ICAM1: variants seen among roughly 807,000 people sequenced by gnomAD.
ICAM1 encodes intercellular adhesion molecule 1, also known as ICAM-1.
Under a neutral mutation model 42.3 loss-of-function variants are expected in ICAM1, and 28 were observed. That is an observed-to-expected ratio of 0.66 (90% CI 0.49 to 0.91). The LOEUF (loss-of-function observed/expected upper bound fraction) is 0.91. Ranked by LOEUF, ICAM1 falls within the 40% of genes least tolerant of loss-of-function variation. The pLI is 0.00. For missense variants in ICAM1, 637 were observed against 688.6 expected (o/e 0.93, Z 0.84); for synonymous variants, 304 against 305.9 (o/e 0.99, Z 0.07).
At chr19:10,277,195 T>C (rs2040023917) in intron 2 of ICAM1, among the ~76,000 whole-genome samples, 3 of 152,182 alleles carry the variant, frequency 2.0e-5, no homozygotes, top group African/African-American at 4.8e-5. Context: ...TTTTCCTTTT[T>C]TTGAGACAGA....
intron 1 of ICAM1, among the ~76,000 whole-genome samples, chr19:10,271,976 G>C (rs1401094666): frequency 1.3e-5 from 2 of 152,108 alleles, no homozygotes; most frequent in African/African-American, 4.8e-5. Context: ...TGACAGCTTG[G>C]TTAACAGCTC....
intron 2 of ICAM1, among the ~76,000 whole-genome samples, chr19:10,281,869 T>C (rs2040062041): frequency 6.6e-6 from 1 of 151,918 alleles, no homozygotes; most frequent in Admixed American, 6.6e-5. Context: ...GCCTCTCAAG[T>C]AGCTGGGACT....
chr19:10,283,993 C>T (rs374756064), intron 3 of ICAM1, 40 bp from the exon 4 acceptor site: 86 of 1,582,372 alleles, frequency 5.4e-5, no homozygotes, highest in Non-Finnish European at 6.8e-5. Flanking sequence ...GGCTTCGGGA[C>T]GTCCATCCCT....
Position 10,275,044 on chromosome 19 carries a change from C to T in ICAM1, c.331+16C>T, listed in dbSNP as rs182901920. 32 of 1,611,398 alleles carry T rather than the reference C, an allele frequency of 2.0e-5. No homozygotes were observed. The highest frequency in any genetic ancestry group is 5.3e-5 in the African/African-American group (4 of 75,024). The stretch of plus-strand genomic sequence containing the variant: ...ACCGTGTACTGTGAGTAACTGAGCC[C>T]GGAGGGCTGGACTAGGCAGACCCGG... On this transcript the variant is annotated intron_variant, in intron 2 of 6. Coordinates refer to ENST00000264832, the MANE Select transcript of ICAM1 (RefSeq NM_000201.3).
chr19:10,285,086 C>T (rs1397665738), intron 6 of ICAM1, 29 bp from the exon 7 acceptor site: 10 of 1,613,642 alleles, frequency 6.2e-6, no homozygotes, highest in Non-Finnish European at 8.5e-6. Flanking sequence ...CTAATGCAAT[C>T]CTCACCGCCT....
rs1252476558 is a variant in ICAM1, at chr19:10,284,034, C to T, written c.639C>T (p.Val213=). 1.2e-6 allele frequency: 2 copies of T among 1,612,472 alleles called. No individual in the cohort carries two copies. Among genetic ancestry groups the T allele is most frequent in the African/African-American group, 2.7e-5 (2 of 74,886 alleles). The part of the protein sequence containing the change: ...TSAPYQLQTF[V]LPATPPQLVS... ...CTCACACCTTTCTTCTCTCCCTAGT[C>T]CTGCCAGCGACTCCCCCACAACTTG... Residue 213 remains valine (V), a splice_region_variant and synonymous_variant, in exon 4 of 7, where the codon GTC becomes GTT. Coordinates refer to ENST00000264832, the MANE Select transcript of ICAM1 (RefSeq NM_000201.3). The surrounding 1 kb of genome is among the most constrained non-coding windows in gnomAD (Gnocchi z 5.4).
At chr19:10,271,834 C>G (rs1039119337) in intron 1 of ICAM1, among the ~76,000 whole-genome samples, 4 of 151,994 alleles carry the variant, frequency 2.6e-5, no homozygotes, top group Non-Finnish European at 5.9e-5. Context: ...GCTGACTTAT[C>G]CGTGGCCCAA....
chr19:10,271,464 C>T (rs959081648), intron 1 of ICAM1, among the ~76,000 whole-genome samples: 1 of 151,818 alleles, frequency 6.6e-6, no homozygotes, highest in African/African-American at 2.4e-5. Context: ...AGGGGAGGGG[C>T]GGGCCTCGTT....
intron 2 of ICAM1, among the ~76,000 whole-genome samples, chr19:10,276,144 A>G (rs1025688687): frequency 2.6e-5 from 4 of 151,938 alleles, no homozygotes; most frequent in Middle Eastern, 3.4e-3. Context: ...AGGAGTTCGA[A>G]TCCATCCTAG....
intron 2 of ICAM1, among the ~76,000 whole-genome samples, chr19:10,281,086 G>T (rs376365694): frequency 5.9e-4 from 89 of 150,658 alleles, no homozygotes; most frequent in African/African-American, 1.9e-3. Flanking sequence ...TGTTAGCCAG[G>T]ATGGTCTTGA....
Position 10,283,582 on chromosome 19 carries a change from A to T in ICAM1, c.433A>T (p.Asn145Tyr). The T allele has an allele frequency of 6.2e-7, 1 of 1,613,814 alleles. No individual in the cohort carries two copies. The highest frequency in any genetic ancestry group is 2.2e-5 in the East Asian group (1 of 44,886). ...GGTGGAGGGTGGGGCACCCCGGGCC[A>T]ACCTCACCGTGGTGCTGCTCCGTGG... ...CQVEGGAPRA[N>Y]LTVVLLRGEK... is the part of the protein sequence containing the mutation. Residue 145 changes from asparagine (N) to tyrosine (Y), a missense_variant, in exon 3 of 7, where the codon AAC becomes TAC. Coordinates refer to ENST00000264832, the MANE Select transcript of ICAM1 (RefSeq NM_000201.3).
chr19:10,272,232 C>T (rs1174410032), intron 1 of ICAM1, among the ~76,000 whole-genome samples: 2 of 152,298 alleles, frequency 1.3e-5, no homozygotes, highest in South Asian at 2.1e-4. Context: ...TTGCAGTGAA[C>T]CAAGATTGTG....
chr19:10,281,296 T>C (rs1210269957), intron 2 of ICAM1, among the ~76,000 whole-genome samples: 1 of 151,562 alleles, frequency 6.6e-6, no homozygotes, highest in Non-Finnish European at 1.5e-5. Flanking sequence ...TAATTTTTTT[T>C]TTTTTTTTTG....
intron 2 of ICAM1, among the ~76,000 whole-genome samples, chr19:10,279,341 C>A (rs1053305145): frequency 6.6e-6 from 1 of 151,688 alleles, no homozygotes; most frequent in South Asian, 2.1e-4. Context: ...CCCAGGAGTT[C>A]GAGACCAGCC....
chr19:10,271,348 T>C (rs1415309851), intron 1 of ICAM1, 122 bp downstream of exon 1: 6 of 807,814 alleles, frequency 7.4e-6, no homozygotes, highest in Non-Finnish European at 1.2e-5. Context: ...GAGACAGCGA[T>C]TGAAAGGCAA....
At chr19:10,276,887 A>G (rs573462461) in intron 2 of ICAM1, among the ~76,000 whole-genome samples, 1 of 151,394 alleles carries the variant, frequency 6.6e-6, no homozygotes, top group South Asian at 2.1e-4. Flanking sequence ...AGGCAGGAGA[A>G]TCTCTTGAAA....
Position 10,275,947 on chromosome 19 carries a change from G to T in ICAM1, c.331+919G>T, listed in dbSNP as rs184409312. ...ATGGTCTCAATCTCCTGACCTAGTG[G>T]TCCGCCCGCCTCGGCCTCCCAAAGT... On this transcript the variant is annotated intron_variant, in intron 2 of 6. Coordinates refer to ENST00000264832, the MANE Select transcript of ICAM1 (RefSeq NM_000201.3). Among the ~76,000 whole-genome samples, 168 of 151,014 alleles carry T rather than the reference G, an allele frequency of 1.1e-3. 5 individuals carry two copies. In the East Asian group the frequency reaches 0.03, roughly 27 times the overall value.
At chr19:10,274,354 G>GCTCAGGCTGGAGTGCAGTGGCA (rs1209888658) in intron 1 of ICAM1, among the ~76,000 whole-genome samples, 1 of 126,892 alleles carries the variant, frequency 7.9e-6, no homozygotes, top group East Asian at 2.2e-4. Flanking sequence ...TCGTTCTGTT[G>GCTCAGGCTGGAGTGCAGTGGCA]CTCAGGCTGG....
Position 10,285,007 on chromosome 19 carries a change from A to T in ICAM1, c.1405A>T (p.Lys469Ter). 1.2e-6 allele frequency: 2 copies of T among 1,613,268 alleles called. No individual in the cohort carries two copies. The highest frequency in any genetic ancestry group is 1.1e-5 in the South Asian group (1 of 91,016). The change falls in exon 6 of 7, where the codon AAG becomes TAG. Residue 469 changes from lysine (K) to a stop codon, truncating the protein, a stop_gained. Transcript: ENST00000264832. LOFTEE classifies it low-confidence loss of function (END_TRUNC). ...ARSTQGEVTR[K>*]VTVNVLSPRY... ...GAGCACTCAAGGGGAGGTCACCCGC[A>T]AGGTGACCGTGAATGTGCTCTGTGA...
Sources: gnomAD v4.1 joint callset for allele counts (sites outside exome capture counted in the v4.1 genomes callset) on GRCh38, gnomAD v4.1.1 for gene constraint, Gnocchi (gnomAD v3.1) non-coding constraint, MANE v1.5 for transcripts, NCBI Gene and HGNC (gene_info 2026-07-23, HGNC 2026-07-21) for gene names.